The following GSAP variants were observed in gnomAD, a reference collection of about 807,000 sequenced individuals.
GSAP encodes the protein gamma-secretase-activating protein.
In GSAP, 118 loss-of-function variants were observed where a neutral mutation model predicts 131.7. The observed-to-expected ratio is 0.90, with a 90% CI of 0.77 to 1.04. The LOEUF (loss-of-function observed/expected upper bound fraction) is 1.04. GSAP is among the 50% of genes least tolerant of loss of function. The pLI is 0.00. For missense variants in GSAP, 1,019 were observed against 1,013.2 expected (o/e 1.01, Z -0.08); for synonymous variants, 381 against 363.4 (o/e 1.05, Z -0.55).
chr7:77,342,345 A>T (rs546979496), intron 19 of GSAP, among the ~76,000 whole-genome samples: 7 of 152,096 alleles, frequency 4.6e-5, no homozygotes, highest in African/African-American at 7.2e-5. Context: ...TGGGTATTGA[A>T]GGCCAGGCTT....
intron 14 of GSAP, 134 bp from the exon 15 acceptor site, chr7:77,355,781 C>G: frequency 2.7e-6 from 1 of 372,334 alleles, no homozygotes; most frequent in Non-Finnish European, 4.5e-6. Context: ...TATCTAATGA[C>G]AGCCCGTTTT....
chr7:77,401,038 A>G (rs1801230636), intron 3 of GSAP, among the ~76,000 whole-genome samples: 1 of 152,034 alleles, frequency 6.6e-6, no homozygotes, highest in Non-Finnish European at 1.5e-5. Context: ...AAGTTACCTA[A>G]TTTAAACAAC....
chr7:77,324,619 T>C lies in GSAP; in HGVS notation c.1828-877A>G, dbSNP rs1788080180. ...CCTTAATTCAATTCAGTCTCATGCA[T>C]GTGCCAATTAATTTGGCTTTAAATA... On this transcript the variant is annotated intron_variant, in intron 23 of 30. Coordinates refer to ENST00000257626, the MANE Select transcript of GSAP (RefSeq NM_017439.4). Among the ~76,000 whole-genome samples, 3 of 152,354 alleles carry C rather than the reference T, an allele frequency of 2.0e-5. No individual in the cohort carries two copies. In the South Asian group the frequency reaches 6.2e-4, roughly 32 times the overall value.
chr7:77,351,146 A>T, intron 18 of GSAP: 1 of 980,190 alleles, frequency 1.0e-6, no homozygotes, highest in Non-Finnish European at 1.2e-6. Context: ...ACATGCAAAC[A>T]ACTAAGTTCT....
chr7:77,334,654 T>C (rs1470764793), intron 19 of GSAP, among the ~76,000 whole-genome samples: 3 of 139,548 alleles, frequency 2.1e-5, no homozygotes, highest in African/African-American at 8.0e-5. Flanking sequence ...CTAGCAGTTA[T>C]CCAACAAAGC....
At chr7:77,410,972 T>G (rs1408201770) in intron 1 of GSAP, among the ~76,000 whole-genome samples, 1 of 151,652 alleles carries the variant, frequency 6.6e-6, no homozygotes, top group Non-Finnish European at 1.5e-5. Context: ...GCAGTAAACA[T>G]TATGTGATTT....
intron 8 of GSAP, among the ~76,000 whole-genome samples, chr7:77,377,842 A>G (rs558927546): frequency 1.2e-4 from 18 of 152,306 alleles, no homozygotes; most frequent in African/African-American, 4.3e-4. Context: ...AATGACCCCA[A>G]TTTGGCCATA....
chr7:77,383,821 C>T (rs1309090071), intron 6 of GSAP, among the ~76,000 whole-genome samples: 1 of 152,150 alleles, frequency 6.6e-6, no homozygotes, highest in Non-Finnish European at 1.5e-5. Flanking sequence ...CTTTTATGTC[C>T]CAATCTCCGA....
chr7:77,400,488 A>G (rs1479010601), intron 3 of GSAP, among the ~76,000 whole-genome samples: 2 of 152,208 alleles, frequency 1.3e-5, no homozygotes, highest in African/African-American at 4.8e-5. Flanking sequence ...CTGTCTAGCC[A>G]TAACAAGACA....
chr7:77,369,995 C>A (rs1450343640), intron 12 of GSAP, among the ~76,000 whole-genome samples: 1 of 151,914 alleles, frequency 6.6e-6, no homozygotes, highest in Non-Finnish European at 1.5e-5. Context: ...GATTCTTCCA[C>A]AATTTATGTC....
rs1302680852 is a variant in GSAP at position 77,311,198 on chromosome 7, T to C, written c.*160A>G. ...TCAAAATTGGAATGTGATACAGCAGTTCTGTCTGAACGTGTACCAACCTGA... is the reference window on the plus strand; with the variant it reads ...TCAAAATTGGAATGTGATACAGCAGCTCTGTCTGAACGTGTACCAACCTGA... On this transcript the variant is annotated 3_prime_UTR_variant, in exon 31 of 31. Coordinates refer to ENST00000257626, the MANE Select transcript of GSAP (RefSeq NM_017439.4). 7 of 588,348 alleles carry C rather than the reference T, an allele frequency of 1.2e-5. No individual in the cohort carries two copies. Among genetic ancestry groups the C allele is most frequent in the Non-Finnish European group, 2.1e-5 (7 of 328,234 alleles). The allele number at this position is 588,348 out of a possible 1,614,324, so 36.4% of individuals were successfully genotyped here.
intron 3 of GSAP, among the ~76,000 whole-genome samples, chr7:77,401,665 G>C (rs927154562): frequency 3.3e-5 from 5 of 152,184 alleles, no homozygotes; most frequent in African/African-American, 1.2e-4. Flanking sequence ...ACCATGGAAA[G>C]AGCAAATATA....
Position 77,371,582 on chromosome 7 carries a change from G to A in GSAP, c.871+2488C>T, listed in dbSNP as rs561301178. On this transcript the variant is annotated intron_variant, in intron 12 of 30. Coordinates refer to ENST00000257626, the MANE Select transcript of GSAP (RefSeq NM_017439.4). ...CCTGAGTAGCTGGGACTACAGGCAC[G>A]TGCCACCACACCCAGCTAATTTTTT... Among the ~76,000 whole-genome samples, 4 of 151,966 alleles carry A rather than the reference G, an allele frequency of 2.6e-5. No homozygotes were observed. In the South Asian group the frequency reaches 8.3e-4, roughly 32 times the overall value.
chr7:77,320,572 A>G (rs1388661790), intron 26 of GSAP, among the ~76,000 whole-genome samples, 153 bp downstream of exon 26: 1 of 152,200 alleles, frequency 6.6e-6, no homozygotes, highest in Non-Finnish European at 1.5e-5. Context: ...GTCAGCAGAG[A>G]CCAACCTAAG....
chr7:77,335,261 C>T (rs925636837), intron 19 of GSAP, among the ~76,000 whole-genome samples: 10 of 151,990 alleles, frequency 6.6e-5, no homozygotes, highest in Admixed American at 5.9e-4. Context: ...ATTAGCCCGG[C>T]ATGGTGGTGT....
chr7:77,349,706 G>T (rs1792489165), intron 18 of GSAP, among the ~76,000 whole-genome samples: 2 of 152,144 alleles, frequency 1.3e-5, no homozygotes, highest in African/African-American at 4.8e-5. Context: ...TTCTATTAAA[G>T]AACGAATGAG....
chr7:77,394,771 G>A (rs1263922508), intron 5 of GSAP, among the ~76,000 whole-genome samples: 1 of 152,160 alleles, frequency 6.6e-6, no homozygotes, highest in East Asian at 1.9e-4. Flanking sequence ...TTGGTCATGG[G>A]TTATTCTCCT....
intron 17 of GSAP, 31 bp from the exon 18 acceptor site, chr7:77,353,057 A>G (rs771585683): frequency 1.6e-6 from 2 of 1,220,446 alleles, no homozygotes; most frequent in East Asian, 2.3e-5. Context: ...ACAGGGGGAA[A>G]AAAGATGTGG....
chr7:77,364,445 TCTCA>T (rs1794975678), intron 12 of GSAP, among the ~76,000 whole-genome samples: 2 of 143,780 alleles, frequency 1.4e-5, no homozygotes, highest in Admixed American at 1.5e-4. Flanking sequence ...CACCGCATAT[TCTCA>T]CTCATAGGTG....
Sources: gnomAD v4.1 joint callset for allele counts (sites outside exome capture counted in the v4.1 genomes callset) on GRCh38, gnomAD v4.1.1 for gene constraint, MANE v1.5 for transcripts, NCBI Gene and HGNC (gene_info 2026-07-23, HGNC 2026-07-21) for gene names.